The following INO80 variants were observed in gnomAD, a reference collection of about 807,000 sequenced individuals.
INO80 encodes INO80 complex ATPase subunit, also known as chromatin-remodeling ATPase INO80.
In INO80, 20 loss-of-function variants were observed where a neutral mutation model predicts 203.4. The ratio of observed to expected loss-of-function variants is 0.10; its 90% confidence interval spans 0.07 to 0.14. The LOEUF (loss-of-function observed/expected upper bound fraction) is 0.14. Among genes scored for constraint, INO80 ranks in the 10% least tolerant of loss-of-function variants. The pLI, the probability that INO80 is intolerant of heterozygous loss-of-function variation, is 1.00. For missense variants in INO80, 1,419 were observed against 1,914.4 expected, an observed-to-expected ratio of 0.74 and a Z score of 4.83; for synonymous variants, 726 against 685.2, an observed-to-expected ratio of 1.06 and a Z score of -0.93.
chr15:41,058,551 CTGTGTGTGTGTGTG>C (rs371784387), intron 16 of INO80, 74 bp downstream of exon 16: 2 of 872,548 alleles, frequency 2.3e-6, no homozygotes, highest in South Asian at 1.9e-5. Flanking sequence ...ATATACAAGT[CTGTGTGTGTGTGTG>C]TGTGCGTGTG....
chr15:40,987,325 C>G, intron 30 of INO80, 132 bp from the exon 31 acceptor site: 1 of 571,206 alleles, frequency 1.8e-6, no homozygotes, highest in South Asian at 2.4e-5. Context: ...TTCTTTTCTC[C>G]CTTTTCATTT....
At chr15:40,998,391 T>C (rs1475352578) in intron 28 of INO80, among the ~76,000 whole-genome samples, 1 of 152,160 alleles carries the variant, frequency 6.6e-6, no homozygotes, top group Admixed American at 6.5e-5. Context: ...AGACCCAGGC[T>C]GTGACTTTTA....
rs1386766939 is a variant in INO80, at chr15:41,068,842, AGAGT to A, written c.1782+724_1782+727del. ...GCCACTGCACTCTAGCCTCGGCGAC[AGAGT>A]GAGACTCCATCTCAAAACAAAAACA... On this transcript the variant is annotated intron_variant, in intron 14 of 35. Coordinates refer to ENST00000648947, the MANE Select transcript of INO80 (RefSeq NM_017553.3). Among the ~76,000 whole-genome samples the A allele has an allele frequency of 5.3e-5, 8 of 152,334 alleles. No individual in the cohort carries two copies. In the South Asian group the frequency reaches 1.5e-3, roughly 28 times the overall value.
intron 9 of INO80, among the ~76,000 whole-genome samples, chr15:41,077,120 G>A (rs1217695343): frequency 2.0e-5 from 3 of 151,792 alleles, no homozygotes; most frequent in South Asian, 2.1e-4. Context: ...TGTTAGCCAG[G>A]ATGGTCTCGA....
At chr15:41,064,615 A>G (rs902814150) in intron 14 of INO80, among the ~76,000 whole-genome samples, 1 of 152,226 alleles carries the variant, frequency 6.6e-6, no homozygotes, top group Non-Finnish European at 1.5e-5. Context: ...GGCTAAAGTC[A>G]TGCTCAGAAA....
At chr15:41,059,954 C>T in intron 14 of INO80, 28 bp from the exon 15 acceptor site, 4 of 1,401,612 alleles carry the variant, frequency 2.9e-6, no homozygotes, top group East Asian at 2.3e-5. Flanking sequence ...ATATACATTA[C>T]TTTCTATAGA....
intron 5 of INO80, among the ~76,000 whole-genome samples, chr15:41,091,288 G>C (rs1483564368): frequency 6.6e-6 from 1 of 152,166 alleles, no homozygotes; most frequent in Non-Finnish European, 1.5e-5. Flanking sequence ...TCGAACTCCT[G>C]ACCTCAACTG....
chr15:41,061,886 CAAAG>C (rs2045116364), intron 14 of INO80, among the ~76,000 whole-genome samples: 1 of 152,052 alleles, frequency 6.6e-6, no homozygotes, highest in South Asian at 2.1e-4. Context: ...GATTAAAGCA[CAAAG>C]AAACAACAGA....
At chr15:41,064,923 G>C (rs2045182733) in intron 14 of INO80, among the ~76,000 whole-genome samples, 1 of 151,974 alleles carries the variant, frequency 6.6e-6, no homozygotes, top group African/African-American at 2.4e-5. Flanking sequence ...CTTGAACCCG[G>C]AGGAGGCAGA....
chr15:41,061,612 G>A (rs538822776), intron 14 of INO80, among the ~76,000 whole-genome samples: 1 of 151,932 alleles, frequency 6.6e-6, no homozygotes, highest in Admixed American at 6.5e-5. Context: ...GACAGAGTGA[G>A]ACTGTGTTTC....
At chr15:41,049,795 A>G in intron 20 of INO80, 140 bp downstream of exon 20, 1 of 736,494 alleles carries the variant, frequency 1.4e-6, no homozygotes, top group South Asian at 2.1e-5. Flanking sequence ...CTGAGGCAGG[A>G]GAATTGCCTG....
chr15:41,072,460 C>T (rs1212326937), intron 11 of INO80, among the ~76,000 whole-genome samples: 7 of 151,702 alleles, frequency 4.6e-5, no homozygotes, highest in Non-Finnish European at 7.4e-5. Context: ...GTGGCTCACG[C>T]CTGTAATCCC....
chr15:41,000,281 C>T (rs1437900396), intron 28 of INO80, among the ~76,000 whole-genome samples: 1 of 151,764 alleles, frequency 6.6e-6, no homozygotes, highest in Non-Finnish European at 1.5e-5. Context: ...TTGAGGAGAC[C>T]CAAAATATGA....
At chr15:41,046,083 A>G (rs1241463062) in intron 23 of INO80, among the ~76,000 whole-genome samples, 2 of 151,270 alleles carry the variant, frequency 1.3e-5, no homozygotes, top group Non-Finnish European at 1.5e-5. Flanking sequence ...TTTGCCCTGT[A>G]GAAACAAGTA....
Position 41,085,868 on chromosome 15 carries a change from T to TG in INO80, c.659-286_659-285insC, listed in dbSNP as rs535964835. ...AAACCCGAGAACCAAATTTCTTTTA[T>TG]TTTTTTTCCGAGACGGAGCCTCGCC... is the stretch of plus-strand genomic sequence containing the variant. On this transcript the variant is annotated intron_variant, in intron 6 of 35. Coordinates refer to ENST00000648947, the MANE Select transcript of INO80 (RefSeq NM_017553.3). Among the ~76,000 whole-genome samples the TG allele has an allele frequency of 4.1e-4, 62 of 152,194 alleles. No homozygotes were observed. In the South Asian group the frequency reaches 0.012, roughly 29 times the overall value.
At chr15:40,987,025 C>A in intron 31 of INO80, 66 bp downstream of exon 31, 1 of 919,636 alleles carries the variant, frequency 1.1e-6, no homozygotes, top group South Asian at 1.5e-5. Context: ...ACCCTTGGCA[C>A]ACAGCCAAGT....
chr15:40,984,163 CG>C (rs1203325427), intron 33 of INO80, 33 bp downstream of exon 33: 19 of 1,606,170 alleles, frequency 1.2e-5, no homozygotes, highest in Non-Finnish European at 1.5e-5. Context: ...ACACTCCTTA[CG>C]GCTGTGATGC....
chr15:41,099,237 CAAAAAAAAAAAAAAAAAAAA>C (rs71104771), intron 1 of INO80, among the ~76,000 whole-genome samples: 5 of 21,076 alleles, frequency 2.4e-4, no homozygotes, highest in Admixed American at 2.2e-3. Context: ...GACCCTGTCT[CAAAAAAAAAAAAAAAAAAAA>C]AAAAAAAAAA....
At chr15:41,099,736 C>G (rs913409238) in intron 1 of INO80, among the ~76,000 whole-genome samples, 1 of 151,352 alleles carries the variant, frequency 6.6e-6, no homozygotes, top group East Asian at 1.9e-4. Flanking sequence ...AAGTCATGAA[C>G]GCACCACTGT....
Sources: gnomAD v4.1 joint callset for allele counts (sites outside exome capture counted in the v4.1 genomes callset) on GRCh38, gnomAD v4.1.1 for gene constraint, MANE v1.5 for transcripts, NCBI Gene and HGNC (gene_info 2026-07-23, HGNC 2026-07-21) for gene names.